The following SQSTM1 variants were observed in gnomAD, a reference collection of about 807,000 sequenced individuals.
SQSTM1 encodes sequestosome 1.
A neutral mutation model predicts 45.1 loss-of-function variants in SQSTM1; 36 were observed. The observed-to-expected ratio is 0.80, with a 90% CI of 0.61 to 1.05. The LOEUF is 1.05. SQSTM1 is among the 50% of genes least tolerant of loss of function. The pLI, the probability that SQSTM1 is intolerant of heterozygous loss-of-function variation, is 0.00. For missense variants in SQSTM1, 617 were observed against 607.1 expected (o/e 1.02, Z -0.17); for synonymous variants, 290 against 244.3 (o/e 1.19, Z -1.74).
chr5:179,825,450 G>A (rs1757952415), intron 5 of SQSTM1, among the ~76,000 whole-genome samples: 1 of 152,180 alleles, frequency 6.6e-6, no homozygotes, highest in Non-Finnish European at 1.5e-5. Context: ...GAATCAGCTG[G>A]CATTTGGTTG....
intron 6 of SQSTM1, 82 bp downstream of exon 6, chr5:179,833,328 C>T: frequency 7.5e-7 from 1 of 1,332,732 alleles, no homozygotes; most frequent in Non-Finnish European, 1.0e-6. Flanking sequence ...ATCCTCAGCA[C>T]CTCTGCAGCC....
At chr5:179,826,766 A>AG in intron 5 of SQSTM1, among the ~76,000 whole-genome samples, 1 of 150,598 alleles carries the variant, frequency 6.6e-6, no homozygotes, top group East Asian at 2.0e-4. Flanking sequence ...ACGCCTAGCT[A>AG]TTTTTTGTAT....
rs543157515 is a variant in SQSTM1, at chr5:179,810,577, C to T, written c.-156-997C>T. 2.1e-4 allele frequency among the ~76,000 whole-genome samples: 32 copies of T among 152,218 alleles called. 1 individual carries two copies. The East Asian group carries it at 5.4e-3, about 26-fold the overall frequency. On this transcript the variant is annotated intron_variant, in intron 1 of 5. Transcript: ENST00000514093. ...TGTGAATAGTGCCGCAATAAACATA[C>T]GTGTGCATGTGTCTTTATAGCAGCA...
intron 2 of SQSTM1, chr5:179,813,072 T>C (rs1757479250): frequency 6.9e-6 from 1 of 145,530 alleles, no homozygotes; most frequent in Non-Finnish European, 1.5e-5. Context: ...ATGCCAAGGG[T>C]GTCCCTGGCA....
chr5:179,825,594 A>T (rs1757956488), intron 5 of SQSTM1, among the ~76,000 whole-genome samples: 1 of 152,174 alleles, frequency 6.6e-6, no homozygotes. Flanking sequence ...ACTTTTGAGG[A>T]CCTGGGTAGT....
chr5:179,819,776 G>A (rs376377481), upstream of SQSTM1, among the ~76,000 whole-genome samples: 2 of 152,186 alleles, frequency 1.3e-5, no homozygotes, highest in African/African-American at 4.8e-5. Flanking sequence ...TGGAAGCCTT[G>A]CCCACTTCGG....
rs764971145 is a variant in SQSTM1, at chr5:179,837,395, ACAT to A, written c.*810_*812del. On this transcript the variant is annotated 3_prime_UTR_variant, in exon 8 of 8. Coordinates refer to ENST00000389805, the MANE Select transcript of SQSTM1 (RefSeq NM_003900.5). ...TAATAACCTGCCAGTCCCAGATCAC[ACAT>A]CATCATCGAAGTCTTCCCCAGTTAT... is the stretch of plus-strand genomic sequence containing the variant. 9 of 1,589,640 alleles carry A rather than the reference ACAT, an allele frequency of 5.7e-6. No homozygotes were observed. Among genetic ancestry groups the A allele is most frequent in the South Asian group, 3.4e-5 (3 of 88,098 alleles).
chr5:179,837,760 C>G lies in SQSTM1; in HGVS notation c.*1167C>G. 6.2e-7 allele frequency: 1 copy of G among 1,614,260 alleles called. No homozygotes were observed. Among genetic ancestry groups the G allele is most frequent in the Non-Finnish European group, 8.5e-7 (1 of 1,180,052 alleles). On this transcript the variant is annotated 3_prime_UTR_variant, in exon 8 of 8. Coordinates refer to ENST00000389805, the MANE Select transcript of SQSTM1 (RefSeq NM_003900.5). ...CCCATTTAGAGGATGTGGCTGTAAC[C>G]TGCTGGATGGGACTCCATAGCTCCT...
upstream of SQSTM1, chr5:179,820,865 C>T: frequency 7.4e-7 from 1 of 1,350,956 alleles, no homozygotes; most frequent in Non-Finnish European, 9.6e-7. Flanking sequence ...GGCGGGGCCT[C>T]CGCGTTCGCT....
chr5:179,826,601 T>C (rs1757999366), intron 5 of SQSTM1, among the ~76,000 whole-genome samples: 1 of 151,094 alleles, frequency 6.6e-6, no homozygotes, highest in South Asian at 2.1e-4. Flanking sequence ...CTAGTCTGTT[T>C]TTTTTTTTTT....
chr5:179,810,370 T>G (rs930403094), intron 1 of SQSTM1, among the ~76,000 whole-genome samples: 2 of 152,200 alleles, frequency 1.3e-5, no homozygotes, highest in Non-Finnish European at 2.9e-5. Context: ...CATGCGGTGT[T>G]TGGTTTTCTG....
chr5:179,827,604 A>T (rs7715234), intron 5 of SQSTM1, among the ~76,000 whole-genome samples: 8,625 of 152,290 alleles, frequency 0.057, 287 homozygotes, highest in Middle Eastern at 0.12. Flanking sequence ...TTTGAGCACT[A>T]AAAGCTAAAG....
rs765347184 is a variant in SQSTM1, at chr5:179,837,671, T to C, written c.*1078T>C. 6.2e-7 allele frequency: 1 copy of C among 1,614,232 alleles called. No homozygotes were observed. Among genetic ancestry groups the C allele is most frequent in the East Asian group, 2.2e-5 (1 of 44,892 alleles). On this transcript the variant is annotated 3_prime_UTR_variant, in exon 8 of 8. Transcript: ENST00000389805. The stretch of plus-strand genomic sequence containing the variant: ...TGGACCAGCTGGCCTGGGGTCCCTC[T>C]GAAGAGACCTTGGCTGCTCACTGTC...
chr5:179,834,735 G>A (rs999531776), intron 7 of SQSTM1, among the ~76,000 whole-genome samples: 1 of 152,154 alleles, frequency 6.6e-6, no homozygotes, highest in African/African-American at 2.4e-5. Context: ...TGGGGGTAAG[G>A]TCACAGATCA....
intron 1 of SQSTM1, chr5:179,822,494 G>A (rs1215006028): frequency 1.5e-5 from 4 of 259,190 alleles, no homozygotes; most frequent in Non-Finnish European, 3.1e-5. Flanking sequence ...TGTTAGGGAA[G>A]GAAGCAGGCA....
intron 2 of SQSTM1, chr5:179,811,986 A>G (rs1210223152): frequency 5.9e-5 from 9 of 152,198 alleles, no homozygotes; most frequent in African/African-American, 1.4e-4. Context: ...TTGTATTTTT[A>G]GTAGAGACGG....
rs202144612 is a variant in SQSTM1, at chr5:179,806,507, G to A, written c.-241G>A. The A allele has an allele frequency of 6.0e-6, 8 of 1,325,718 alleles. No homozygotes were observed. The Admixed American group carries it at 1.8e-4, about 30-fold the overall frequency. The allele number at this position is 1,325,718 out of a possible 1,614,324, so 82.1% of individuals were successfully genotyped here. A position where few individuals can be genotyped will look rare whatever the true frequency, so the allele number is the denominator to read the frequency against. ...CTCACCTTTCTGGCCGCTGAGTGCCGCGTACCAGGACAGCGAGAGGAAGGC... is the reference window on the plus strand; with the variant it reads ...CTCACCTTTCTGGCCGCTGAGTGCCACGTACCAGGACAGCGAGAGGAAGGC... On this transcript the variant is annotated 5_prime_UTR_variant, in exon 1 of 6. Coordinates refer to the SQSTM1 transcript ENST00000514093. This position sits in a 1 kb window ranked among gnomAD's most constrained non-coding sequence, Gnocchi z 4.6.
chr5:179,806,566 G>A lies in SQSTM1; in HGVS notation c.-182G>A, dbSNP rs1757169042. 3 of 1,300,032 alleles carry A rather than the reference G, an allele frequency of 2.3e-6. No homozygotes were observed. The highest frequency in any genetic ancestry group is 3.0e-6 in the Non-Finnish European group (3 of 997,028). The allele number at this position is 1,300,032 out of a possible 1,614,324, so 80.5% of individuals were successfully genotyped here. ...AGAAGAGCAGCAGCGTCAGGAAGGT[G>A]CCATTGCGGAGCCTCATCTCCTCGG... On this transcript the variant is annotated 5_prime_UTR_variant, in exon 1 of 6. Transcript: ENST00000514093. This position sits in a 1 kb window ranked among gnomAD's most constrained non-coding sequence, Gnocchi z 4.6.
chr5:179,826,390 C>T (rs1757988425), intron 5 of SQSTM1, among the ~76,000 whole-genome samples: 2 of 151,706 alleles, frequency 1.3e-5, no homozygotes, highest in Admixed American at 1.3e-4. Context: ...TGGTCTTGAA[C>T]TTCTGACCTC....
Sources: gnomAD v4.1 joint callset for allele counts (sites outside exome capture counted in the v4.1 genomes callset) on GRCh38, gnomAD v4.1.1 for gene constraint, Gnocchi (gnomAD v3.1) non-coding constraint, MANE v1.5 for transcripts, NCBI Gene and HGNC (gene_info 2026-07-23, HGNC 2026-07-21) for gene names.